The following CELF2 variants were observed in gnomAD, a reference collection of about 807,000 sequenced individuals.
CELF2 encodes the protein CUG triplet repeat RNA-binding protein 2.
Under a neutral mutation model 62.6 loss-of-function variants are expected in CELF2, and 8 were observed. The observed-to-expected ratio is 0.13, with a 90% CI of 0.07 to 0.23. The LOEUF is 0.23. Among genes scored for constraint, CELF2 ranks in the 10% least tolerant of loss-of-function variants. The pLI is 1.00. For missense variants in CELF2, 333 were observed against 671.0 expected (o/e 0.50, Z 5.56); for synonymous variants, 258 against 250.0 (o/e 1.03, Z -0.30).
At chr10:10,587,267 A>T in the CELF2 span, among the ~76,000 whole-genome samples, 1 of 152,192 alleles carries the variant, frequency 6.6e-6, no homozygotes, top group African/African-American at 2.4e-5. Flanking sequence ...ATGCAACAAA[A>T]TGTCGATAGG....
At chr10:10,858,268 C>T (rs924150030) in intron 1 of CELF2, among the ~76,000 whole-genome samples, 2 of 152,170 alleles carry the variant, frequency 1.3e-5, no homozygotes, top group Non-Finnish European at 1.5e-5. Context: ...TAAGGCCTCT[C>T]TGTGGCCTCT....
chr10:10,668,665 G>A, the CELF2 span, among the ~76,000 whole-genome samples: 5 of 151,974 alleles, frequency 3.3e-5, no homozygotes, highest in Non-Finnish European at 7.4e-5. Flanking sequence ...TGTTCTTAAA[G>A]GTTACATATA....
the CELF2 span, among the ~76,000 whole-genome samples, chr10:10,521,093 C>A: frequency 2.0e-5 from 3 of 152,214 alleles, no homozygotes; most frequent in South Asian, 6.2e-4. Context: ...CAGCACTGAG[C>A]AAGAGGAAAC....
intron 11 of CELF2, 76 bp from the exon 12 acceptor site, chr10:11,325,760 A>T (rs1003168997): frequency 7.4e-7 from 1 of 1,345,000 alleles, no homozygotes; most frequent in Non-Finnish European, 1.0e-6. Context: ...ACCTGTTGTT[A>T]AAGTATTCCT....
intron 2 of CELF2, among the ~76,000 whole-genome samples, chr10:11,190,220 T>G (rs1253019118): frequency 6.6e-6 from 1 of 152,198 alleles, no homozygotes. Flanking sequence ...TCTTAGAAAT[T>G]TACAGTGCGT....
At chr10:10,794,528 A>G (rs1264642225), upstream of CELF2, among the ~76,000 whole-genome samples, 1 of 152,210 alleles carries the variant, frequency 6.6e-6, no homozygotes, top group African/African-American at 2.4e-5. Flanking sequence ...GGAGACACCC[A>G]AAGAAAGACG....
chr10:11,288,475 C>A lies in CELF2; in HGVS notation c.899C>A (p.Ala300Asp). The A allele has an allele frequency of 6.2e-7, 1 of 1,613,940 alleles. No homozygotes were observed. Among genetic ancestry groups the A allele is most frequent in the Non-Finnish European group, 8.5e-7 (1 of 1,180,030 alleles). Residue 300 changes from alanine to aspartate, a missense_variant, in exon 9 of 13, where the codon GCC (alanine) becomes GAC (aspartate). Physicochemically the swap from Ala to Asp is moderately radical, Grantham distance 126. Around this residue, in one of 3 missense-constraint regions of CELF2, gnomAD observed 253 missense variants for 503.0 expected, o/e 0.50. Coordinates refer to ENST00000633077, the MANE Select transcript of CELF2 (RefSeq NM_001326342.2). ...ACGCTGGCTGCTGCTGCAGCTGCGG[C>A]CCAGACCTCAGCCACCAGCACCAAT... ...LATLAAAAAA[A>D]QTSATSTNAN...
chr10:11,210,311 T>C (rs1254770509), intron 2 of CELF2, among the ~76,000 whole-genome samples: 1 of 152,222 alleles, frequency 6.6e-6, no homozygotes. Context: ...TTCATATATG[T>C]AAGATGTCGA....
intron 1 of CELF2, among the ~76,000 whole-genome samples, chr10:11,100,930 C>T (rs781549237): frequency 3.3e-5 from 5 of 152,274 alleles, no homozygotes; most frequent in Non-Finnish European, 7.4e-5. Context: ...GATGGCAGCA[C>T]GTTGAAACAC....
the CELF2 span, among the ~76,000 whole-genome samples, chr10:10,720,630 G>A: frequency 8.9e-4 from 136 of 152,102 alleles, no homozygotes; most frequent in Non-Finnish European, 1.4e-3. Flanking sequence ...AGATATTCTC[G>A]GTTAAAAAAA....
chr10:10,766,184 G>A, the CELF2 span, among the ~76,000 whole-genome samples: 1,802 of 152,316 alleles, frequency 0.012, 31 homozygotes, highest in African/African-American at 0.041. Context: ...TGGATGGTGA[G>A]AGGAGCCAAT....
chr10:11,036,960 A>C (rs1433715745), intron 1 of CELF2, among the ~76,000 whole-genome samples: 1 of 152,070 alleles, frequency 6.6e-6, no homozygotes, highest in Admixed American at 6.6e-5. Flanking sequence ...CAGCCTCCTG[A>C]CTGTGGGCGT....
At chr10:10,922,726 G>C (rs1021682251) in intron 2 of CELF2, 1 of 152,146 alleles carries the variant, frequency 6.6e-6, no homozygotes, top group African/African-American at 2.4e-5. Context: ...GTCGAATCAT[G>C]TTGAAAATAA....
rs1306708853 is a variant in CELF2, at chr10:11,269,802, A to T, written c.619-864A>T. Among the ~76,000 whole-genome samples, 1 of 152,190 alleles carries T rather than the reference A, an allele frequency of 6.6e-6. No individual in the cohort carries two copies. The highest frequency in any genetic ancestry group is 2.4e-5 in the African/African-American group (1 of 41,456). ...ATGATTTTATCTAGCTCAGTAGTGA[A>T]TTCTGTGACCTTTAGCCATTTCTTT... On this transcript the variant is annotated intron_variant, in intron 6 of 12. Transcript: ENST00000633077. The surrounding 1 kb of genome is among the most constrained non-coding windows in gnomAD (Gnocchi z 4.4).
At chr10:10,738,504 C>A in the CELF2 span, among the ~76,000 whole-genome samples, 1 of 152,120 alleles carries the variant, frequency 6.6e-6, no homozygotes, top group South Asian at 2.1e-4. Context: ...TATGACATGA[C>A]GAGAATGCCT....
chr10:10,553,056 C>G, the CELF2 span, among the ~76,000 whole-genome samples: 1 of 152,098 alleles, frequency 6.6e-6, no homozygotes, highest in African/African-American at 2.4e-5. Context: ...AAAGACATAC[C>G]AAGGACTGGG....
At chr10:10,612,194 C>T in the CELF2 span, among the ~76,000 whole-genome samples, 1 of 152,066 alleles carries the variant, frequency 6.6e-6, no homozygotes, top group African/African-American at 2.4e-5. Flanking sequence ...AAAAAAATCT[C>T]ATTGAGGAAA....
the CELF2 span, among the ~76,000 whole-genome samples, chr10:10,591,812 T>C: frequency 2.6e-5 from 4 of 152,344 alleles, no homozygotes; most frequent in Admixed American, 1.3e-4. Context: ...CCTCATTCCA[T>C]GTGTATTTAG....
rs2046370252 is a variant in CELF2 at position 10,936,188 on chromosome 10, G to A, written c.89+16189G>A. Among the ~76,000 whole-genome samples, 1 of 151,920 alleles carries A rather than the reference G, an allele frequency of 6.6e-6. No homozygotes were observed. The highest frequency in any genetic ancestry group is 6.6e-5 in the Admixed American group (1 of 15,240). The stretch of plus-strand genomic sequence containing the variant: ...CAAAAAAAATAAATAAAATAATAAA[G>A]AGAGAGAAAAGAAAGAAACAATAAG... On this transcript the variant is annotated intron_variant, in intron 2 of 13. Coordinates refer to the CELF2 transcript ENST00000636488. The surrounding 1 kb of genome is among the most constrained non-coding windows in gnomAD (Gnocchi z 4.0).
Sources: allele counts gnomAD v4.1 joint callset (sites outside exome capture counted in the v4.1 genomes callset), GRCh38; gene constraint gnomAD v4.1.1; regional missense constraint gnomAD v4.1.1; non-coding constraint Gnocchi (gnomAD v3.1); transcripts MANE v1.5; gene names NCBI Gene and HGNC (gene_info 2026-07-23, HGNC 2026-07-21).